UNC13C: variants seen among roughly 807,000 people sequenced by gnomAD.
The protein encoded by UNC13C is protein unc-13 homolog C.
Under a neutral mutation model 245.4 loss-of-function variants are expected in UNC13C, and 174 were observed. The ratio of observed to expected loss-of-function variants is 0.71; its 90% CI spans 0.63 to 0.80. The LOEUF (loss-of-function observed/expected upper bound fraction) is 0.80, where lower values mean the gene tolerates loss of function less well. UNC13C is among the 30% of genes least tolerant of loss of function. UNC13C has a pLI of 0.00. For synonymous variants in UNC13C, 992 were observed against 895.1 expected, an observed-to-expected ratio of 1.11 and a Z score of -1.93; for missense variants, 2,829 against 2,602.9, an observed-to-expected ratio of 1.09 and a Z score of -1.89.
chr15:54,416,820 C>A (rs999443746), intron 19 of UNC13C: 9 of 439,316 alleles, frequency 2.0e-5, no homozygotes, highest in Non-Finnish European at 3.2e-5. Flanking sequence ...TTATTGGTGC[C>A]ACCATTTATG....
intron 17 of UNC13C, among the ~76,000 whole-genome samples, chr15:54,371,276 A>G (rs1268819705): frequency 2.0e-5 from 3 of 152,162 alleles, no homozygotes; most frequent in Admixed American, 2.0e-4. Flanking sequence ...GAGTGAAATC[A>G]TGTGATATTT....
chr15:54,495,674 T>A lies in UNC13C; in HGVS notation c.5060+940T>A, dbSNP rs186311309. 3.1e-3 allele frequency among the ~76,000 whole-genome samples: 471 copies of A among 152,044 alleles called. 2 individuals are homozygous for A. Among genetic ancestry groups the A allele is most frequent in the South Asian group, 4.8e-3 (23 of 4,822 alleles). On this transcript the variant is annotated intron_variant, in intron 20 of 32. Transcript: ENST00000260323. ...ATAAAATTAATAGAAAGTAATATTT[T>A]AAAAAAATAATGTAGGAAAAGTAGT...
At chr15:54,587,827 C>T (rs1411937741) in intron 30 of UNC13C, among the ~76,000 whole-genome samples, 3 of 152,170 alleles carry the variant, frequency 2.0e-5, no homozygotes, top group East Asian at 3.8e-4. Context: ...AGGTAGACCT[C>T]TTCATGTAAG....
chr15:54,487,455 T>C (rs552758198), intron 19 of UNC13C, among the ~76,000 whole-genome samples: 30 of 152,240 alleles, frequency 2.0e-4, no homozygotes, highest in Non-Finnish European at 2.9e-4. Context: ...TCCAAAGTCA[T>C]TGATTCTAAA....
At chr15:54,535,355 G>A (rs371923957) in intron 26 of UNC13C, among the ~76,000 whole-genome samples, 2 of 151,938 alleles carry the variant, frequency 1.3e-5, no homozygotes, top group East Asian at 3.9e-4. Flanking sequence ...TGGAGTATCT[G>A]GATTTATAAA....
chr15:53,981,341 C>A (rs1289745734), intron 1 of UNC13C, among the ~76,000 whole-genome samples: 1 of 152,058 alleles, frequency 6.6e-6, no homozygotes, highest in African/African-American at 2.4e-5. Context: ...CATTTTGTCA[C>A]CCAAGAAAAA....
upstream of UNC13C, among the ~76,000 whole-genome samples, chr15:53,974,020 C>G (rs923641048): frequency 3.9e-5 from 6 of 152,108 alleles, no homozygotes; most frequent in African/African-American, 1.4e-4. Flanking sequence ...GTCTTAACCA[C>G]TTACTAGTTC....
At chr15:53,938,252 C>T in the UNC13C span, among the ~76,000 whole-genome samples, 1 of 151,740 alleles carries the variant, frequency 6.6e-6, no homozygotes, top group Middle Eastern at 3.2e-3. Context: ...AGACTTTAAA[C>T]CAATAAAGAT....
At chr15:53,944,483 T>C in the UNC13C span, among the ~76,000 whole-genome samples, 1 of 152,098 alleles carries the variant, frequency 6.6e-6, no homozygotes, top group African/African-American at 2.4e-5. Context: ...ATCATTTAGC[T>C]CCCACTTACA....
chr15:54,238,689 G>A (rs1466110832), intron 7 of UNC13C, among the ~76,000 whole-genome samples: 1 of 152,130 alleles, frequency 6.6e-6, no homozygotes, highest in Non-Finnish European at 1.5e-5. Context: ...TGATATCCTT[G>A]AGGGTGGCAC....
intron 29 of UNC13C, among the ~76,000 whole-genome samples, chr15:54,562,107 C>G (rs887757075): frequency 6.6e-6 from 1 of 151,908 alleles, no homozygotes; most frequent in African/African-American, 2.4e-5. Context: ...TATTTAAGAA[C>G]CTGCTTGAGA....
At chr15:54,149,523 C>G (rs1201517878) in intron 4 of UNC13C, among the ~76,000 whole-genome samples, 1 of 152,194 alleles carries the variant, frequency 6.6e-6, no homozygotes, top group Non-Finnish European at 1.5e-5. Context: ...TACCACTGAT[C>G]TAGTTTTAGT....
At chr15:54,581,971 G>T (rs1320798176) in intron 30 of UNC13C, among the ~76,000 whole-genome samples, 1 of 151,936 alleles carries the variant, frequency 6.6e-6, no homozygotes, top group Non-Finnish European at 1.5e-5. Context: ...AGGAGAGGAG[G>T]TCATACAGGT....
chr15:54,199,061 G>A lies in UNC13C; in HGVS notation c.3072-35969G>A, dbSNP rs144186491. On this transcript the variant is annotated intron_variant, in intron 4 of 32. Coordinates refer to ENST00000260323, the MANE Select transcript of UNC13C (RefSeq NM_001080534.3). ...ATGCAAAATACACTGGAAACTCTCA[G>A]CAATAGAATCAAACAAGCAGAAGAA... 1.7e-3 allele frequency among the ~76,000 whole-genome samples: 263 copies of A among 151,986 alleles called. 8 individuals carry two copies. The East Asian group carries it at 0.046, about 27-fold the overall frequency.
At chr15:54,445,947 T>TC (rs1890790255) in intron 19 of UNC13C, among the ~76,000 whole-genome samples, 1 of 152,224 alleles carries the variant, frequency 6.6e-6, no homozygotes, top group South Asian at 2.1e-4. Flanking sequence ...AAGTCTTTAA[T>TC]CCATCTTGAA....
chr15:54,612,308 G>T (rs982096458), intron 30 of UNC13C, among the ~76,000 whole-genome samples: 1 of 151,728 alleles, frequency 6.6e-6, no homozygotes, highest in Non-Finnish European at 1.5e-5. Flanking sequence ...GTGTGGAAAG[G>T]TTACACATTT....
At chr15:54,452,099 A>C (rs1171692394) in intron 19 of UNC13C, among the ~76,000 whole-genome samples, 1 of 152,182 alleles carries the variant, frequency 6.6e-6, no homozygotes, top group Non-Finnish European at 1.5e-5. Flanking sequence ...GACTGTGGCG[A>C]AGCTTTGCTT....
the UNC13C span, among the ~76,000 whole-genome samples, chr15:53,900,860 G>A: frequency 6.6e-6 from 1 of 152,064 alleles, no homozygotes; most frequent in African/African-American, 2.4e-5. Context: ...ACAGGAATAG[G>A]CACTTCATGC....
In UNC13C at chr15:54,448,834, T is replaced by G. The variant is rs903682896; in HGVS notation, c.4933+33767T>G. ...CTGTCATTATGATGTTAGCTGGTTA[T>G]TTTGCTTGTTAGTTGATGCAGTTTC... On this transcript the variant is annotated intron_variant, in intron 19 of 32. Coordinates refer to ENST00000260323, the MANE Select transcript of UNC13C (RefSeq NM_001080534.3). Among the ~76,000 whole-genome samples the G allele has an allele frequency of 2.7e-3, 413 of 152,318 alleles. 3 individuals are homozygous for G. Among genetic ancestry groups the G allele is most frequent in the African/African-American group, 8.9e-3 (368 of 41,564 alleles).
Sources: gnomAD v4.1 joint callset for allele counts (sites outside exome capture counted in the v4.1 genomes callset) on GRCh38, gnomAD v4.1.1 for gene constraint, MANE v1.5 for transcripts, NCBI Gene and HGNC (gene_info 2026-07-23, HGNC 2026-07-21) for gene names.